Variants in SLC8A1 observed in about 807,000 individuals in gnomAD.
SLC8A1 encodes the protein solute carrier family 8 member A1.
Under a neutral mutation model 68.3 loss-of-function variants are expected in SLC8A1, and 18 were observed. The observed-to-expected ratio is 0.26, with a 90% CI of 0.18 to 0.39. The LOEUF is 0.39. SLC8A1 is among the 10% of genes least tolerant of loss of function. The pLI is 1.00. For synonymous variants in SLC8A1, 475 were observed against 415.5 expected (o/e 1.14, Z -1.74); for missense variants, 985 against 1,156.7 (o/e 0.85, Z 2.15).
At chr2:40,352,664 T>C (rs570054718) in intron 2 of SLC8A1, among the ~76,000 whole-genome samples, 1 of 152,216 alleles carries the variant, frequency 6.6e-6, no homozygotes, top group East Asian at 1.9e-4. Context: ...GTACTTAGGA[T>C]TTAGCCTCCA....
intron 7 of SLC8A1, among the ~76,000 whole-genome samples, chr2:40,122,988 G>A (rs911946671): frequency 1.3e-5 from 2 of 152,042 alleles, no homozygotes. Flanking sequence ...TATTTTTCAG[G>A]GAACACAAAA....
At chr2:40,467,395 ATGGGGG>A (rs1239848840) in intron 1 of SLC8A1, among the ~76,000 whole-genome samples, 2 of 152,214 alleles carry the variant, frequency 1.3e-5, no homozygotes, top group East Asian at 1.9e-4. Context: ...GCTACTTCTG[ATGGGGG>A]TGGGGGTGAA....
At chr2:40,483,384 G>A (rs1409616095) in intron 1 of SLC8A1, among the ~76,000 whole-genome samples, 1 of 152,076 alleles carries the variant, frequency 6.6e-6, no homozygotes, top group Non-Finnish European at 1.5e-5. Flanking sequence ...CACCAAGGGT[G>A]TGAGTAGAGG....
chr2:40,194,671 C>T (rs1232097357), intron 2 of SLC8A1, among the ~76,000 whole-genome samples: 1 of 151,996 alleles, frequency 6.6e-6, no homozygotes, highest in African/African-American at 2.4e-5. Context: ...CAGTTCCTCG[C>T]CCTTCTTTGT....
At chr2:40,432,372 A>T (rs1047065834) in intron 1 of SLC8A1, among the ~76,000 whole-genome samples, 16 of 146,442 alleles carry the variant, frequency 1.1e-4, no homozygotes, top group Non-Finnish European at 2.2e-4. Context: ...TGTGCAGAAC[A>T]ATCTATAGAG....
intron 1 of SLC8A1, among the ~76,000 whole-genome samples, chr2:40,461,717 G>A (rs1030010113): frequency 1.3e-5 from 2 of 152,066 alleles, no homozygotes; most frequent in African/African-American, 4.8e-5. Flanking sequence ...AAGTCTTTTT[G>A]TCTTTTGATC....
intron 7 of SLC8A1, among the ~76,000 whole-genome samples, chr2:40,121,412 A>G (rs1264434050): frequency 1.3e-5 from 2 of 152,158 alleles, no homozygotes; most frequent in East Asian, 3.8e-4. Context: ...TTCTCTTAGA[A>G]ACATGGATGC....
chr2:40,410,541 T>C (rs998965916), intron 2 of SLC8A1, among the ~76,000 whole-genome samples: 3 of 152,030 alleles, frequency 2.0e-5, no homozygotes, highest in South Asian at 2.1e-4. Flanking sequence ...GATGAAAATA[T>C]AGTAATTATA....
At chr2:40,216,665 T>C (rs879910165) in intron 2 of SLC8A1, among the ~76,000 whole-genome samples, 2 of 152,166 alleles carry the variant, frequency 1.3e-5, no homozygotes, top group African/African-American at 4.8e-5. Flanking sequence ...CCAGTCTCTA[T>C]TGTTTCTTGA....
In SLC8A1 at chr2:40,462,001, C is replaced by CTTTTTTTTTTTTTTTTTTTT. The variant is rs370223854; in HGVS notation, c.-24-31717_-24-31698dup. On this transcript the variant is annotated intron_variant, in intron 1 of 7. Coordinates refer to the SLC8A1 transcript ENST00000402441. ...CCTCTCATTTTAAAGTAAAATCCTC[C>CTTTTTTTTTTTTTTTTTTTT]TTTTTTTTTTTTTTTTTTTTTTTGA... Among the ~76,000 whole-genome samples, 194 of 66,140 alleles carry CTTTTTTTTTTTTTTTTTTTT rather than the reference C, an allele frequency of 2.9e-3. 23 individuals are homozygous for CTTTTTTTTTTTTTTTTTTTT. The highest frequency in any genetic ancestry group is 0.012 in the Middle Eastern group (1 of 84). 43.4% of individuals were successfully genotyped at this position (66,140 alleles called of 152,430 possible).
intron 6 of SLC8A1, 37 bp from the exon 10 acceptor site, chr2:40,139,713 C>G: frequency 6.3e-7 from 1 of 1,591,540 alleles, no homozygotes; most frequent in Non-Finnish European, 8.6e-7. Context: ...TCATCACAAC[C>G]TGTGTTGCCG....
intron 2 of SLC8A1, among the ~76,000 whole-genome samples, chr2:40,389,473 T>C (rs1422595888): frequency 6.6e-6 from 1 of 152,122 alleles, no homozygotes; most frequent in Non-Finnish European, 1.5e-5. Flanking sequence ...GTATCATTAA[T>C]TCTAAGTTTT....
At chr2:40,416,545 C>T (rs1693948611) in intron 2 of SLC8A1, among the ~76,000 whole-genome samples, 1 of 152,048 alleles carries the variant, frequency 6.6e-6, no homozygotes, top group African/African-American at 2.4e-5. Flanking sequence ...TTTGCTTTCT[C>T]TTAGGACAGC....
chr2:40,231,648 C>CCCTG (rs2059662260), intron 2 of SLC8A1, among the ~76,000 whole-genome samples: 1 of 152,078 alleles, frequency 6.6e-6, no homozygotes, highest in South Asian at 2.1e-4. Flanking sequence ...TGATCTCCTC[C>CCCTG]CCTGAGCTTT....
intron 2 of SLC8A1, among the ~76,000 whole-genome samples, chr2:40,248,165 TG>T (rs2062151899): frequency 6.6e-6 from 1 of 152,220 alleles, no homozygotes; most frequent in African/African-American, 2.4e-5. Context: ...TTAAGAGGCC[TG>T]AATGTTCTCA....
chr2:40,223,403 C>T (rs781450583), intron 2 of SLC8A1, among the ~76,000 whole-genome samples: 1 of 151,944 alleles, frequency 6.6e-6, no homozygotes, highest in Admixed American at 6.6e-5. Flanking sequence ...CAGTAGGAGG[C>T]ATACCTAATG....
intron 1 of SLC8A1, among the ~76,000 whole-genome samples, chr2:40,493,446 T>C (rs1254769620): frequency 6.6e-6 from 1 of 151,400 alleles, no homozygotes; most frequent in African/African-American, 2.4e-5. Context: ...CTTATACATA[T>C]GTAACTAACC....
At chr2:40,131,856 C>CTTTTTTT (rs1323988490) in intron 7 of SLC8A1, among the ~76,000 whole-genome samples, 1 of 49,284 alleles carries the variant, frequency 2.0e-5, no homozygotes, top group African/African-American at 6.4e-5. Context: ...TCTTGGTATT[C>CTTTTTTT]TATTTTTTTT....
intron 2 of SLC8A1, among the ~76,000 whole-genome samples, chr2:40,183,613 G>A (rs1314558970): frequency 6.6e-6 from 1 of 152,162 alleles, no homozygotes; most frequent in Non-Finnish European, 1.5e-5. Context: ...CACAGAATCT[G>A]CATTTTAACA....
Sources: allele counts gnomAD v4.1 joint callset (sites outside exome capture counted in the v4.1 genomes callset), GRCh38; gene constraint gnomAD v4.1.1; transcripts MANE v1.5; gene names NCBI Gene and HGNC (gene_info 2026-07-23, HGNC 2026-07-21).